PWWP3A: variants seen among roughly 807,000 people sequenced by gnomAD.
The protein encoded by PWWP3A is PWWP domain containing 3A, DNA repair factor, also known as PWWP domain-containing DNA repair factor 3A.
In PWWP3A, 53 loss-of-function variants were observed where a neutral mutation model predicts 79.0. The ratio of observed to expected loss-of-function variants is 0.67; its 90% CI spans 0.54 to 0.84. The LOEUF (loss-of-function observed/expected upper bound fraction) is 0.84, where lower values mean the gene tolerates loss of function less well. Among genes scored for constraint, PWWP3A ranks in the 40% least tolerant of loss-of-function variants. The pLI is 0.00. For missense variants in PWWP3A, 973 were observed against 948.0 expected (o/e 1.03, Z -0.35); for synonymous variants, 443 against 394.4 (o/e 1.12, Z -1.46).
chr19:1,364,234 C>T, intron 6 of PWWP3A: 1 of 610,948 alleles, frequency 1.6e-6, no homozygotes, highest in Non-Finnish European at 3.1e-6. Context: ...GCACCCCTCC[C>T]ATCCCAAGGG....
At chr19:1,367,901 T>TTCCA (rs1178149601) in intron 9 of PWWP3A, among the ~76,000 whole-genome samples, 1 of 152,208 alleles carries the variant, frequency 6.6e-6, no homozygotes, top group Non-Finnish European at 1.5e-5. Context: ...GTTGTGTCTT[T>TTCCA]TCCACTCTCA....
chr19:1,355,704 C>T (rs1600091244), intron 1 of PWWP3A, among the ~76,000 whole-genome samples: 1 of 151,768 alleles, frequency 6.6e-6, no homozygotes, highest in Non-Finnish European at 1.5e-5. Context: ...GATCCCCTCT[C>T]TTGCTGGAAA....
At chr19:1,362,220 C>T in intron 5 of PWWP3A, 30 bp from the exon 6 acceptor site, 1 of 1,574,586 alleles carries the variant, frequency 6.4e-7, no homozygotes, top group Non-Finnish European at 8.7e-7. Flanking sequence ...ATGCAATGAC[C>T]ATGAAAGTCT....
At position 1,356,401 on chromosome 19, in the gene PWWP3A, T is replaced by A. The variant is rs1191768152; in HGVS notation, c.9T>A (p.Asp3Glu). The A allele has an allele frequency of 6.2e-7, 1 of 1,614,114 alleles. No individual in the cohort carries two copies. Among genetic ancestry groups the A allele is most frequent in the African/African-American group, 1.3e-5 (1 of 74,950 alleles). ...CCACATGAGTGTAAATGATGGCGGA[T>A]GCCAAGTATGTCCTCTGCCGATGGG... The part of the protein sequence containing the change: MA[D>E]AKYVLCRWEK... Residue 3 changes from aspartate to glutamate, a missense_variant, in exon 2 of 14, where the codon GAT becomes GAA. Coordinates refer to ENST00000591337, the MANE Select transcript of PWWP3A (RefSeq NM_001369789.1).
intron 12 of PWWP3A, 99 bp downstream of exon 12, chr19:1,371,177 C>T (rs1600123922): frequency 1.3e-5 from 18 of 1,407,252 alleles, no homozygotes; most frequent in Non-Finnish European, 1.8e-5. Flanking sequence ...GCCCCTGCTC[C>T]CTGGCCGTTC....
chr19:1,360,836 G>A lies in PWWP3A; in HGVS notation c.915G>A (p.Leu305=), dbSNP rs1030857210. The A allele has an allele frequency of 6.4e-7, 1 of 1,562,132 alleles. No individual in the cohort carries two copies. The highest frequency in any genetic ancestry group is 2.0e-5 in the Admixed American group (1 of 50,680). The change falls in exon 5 of 14, where the codon CTG becomes CTA. Residue 305 remains leucine (L), a synonymous_variant. Coordinates refer to ENST00000591337, the MANE Select transcript of PWWP3A (RefSeq NM_001369789.1). The surrounding 1 kb of genome is among the most constrained non-coding windows in gnomAD (Gnocchi z 4.4). ...GECPAKKRPR[L]DGSQRPPAVQ... Reference sequence around the variant, plus strand: ...GCCCTGCGAAAAAGAGGCCGCGCCTGGATGGCAGCCAAAGGCCGCCTGCCG... The same window carrying A: ...GCCCTGCGAAAAAGAGGCCGCGCCTAGATGGCAGCCAAAGGCCGCCTGCCG...
chr19:1,371,378 C>G (rs1472174340), intron 12 of PWWP3A: 1 of 703,232 alleles, frequency 1.4e-6, no homozygotes, highest in Non-Finnish European at 2.6e-6. Context: ...CAGATGCTTC[C>G]CAGCCTCGGT....
rs767576716 is a variant in PWWP3A, at chr19:1,360,103, G to A, written c.215-33G>A. The stretch of plus-strand genomic sequence containing the variant: ...TGACCGCAGTGCCTGTGCAGTGAAC[G>A]TAACCGGCATTGTGTATGTTCGGTC... On this transcript the variant is annotated intron_variant, in intron 4 of 13. Transcript: ENST00000591337. This position sits in a 1 kb window ranked among gnomAD's most constrained non-coding sequence, Gnocchi z 4.4. The A allele has an allele frequency of 3.0e-5, 46 of 1,515,240 alleles. No homozygotes were observed. The highest frequency in any genetic ancestry group is 5.6e-5 in the African/African-American group (4 of 71,846). The allele number at this position is 1,515,240 out of a possible 1,614,324, so 93.9% of individuals were successfully genotyped here. A position where few individuals can be genotyped will look rare whatever the true frequency, so the allele number is the denominator to read the frequency against.
At chr19:1,367,040 T>A in intron 8 of PWWP3A, 120 bp from the exon 9 acceptor site, 1 of 721,588 alleles carries the variant, frequency 1.4e-6, no homozygotes, top group Non-Finnish European at 2.3e-6. Flanking sequence ...CTTCCATAAA[T>A]AAGCTGGGGC....
At position 1,369,336 on chromosome 19, in the gene PWWP3A, G is replaced by A; in HGVS notation, c.1494G>A (p.Arg498=). The A allele has an allele frequency of 1.2e-6, 2 of 1,613,652 alleles. No individual in the cohort carries two copies. The highest frequency in any genetic ancestry group is 1.7e-6 in the Non-Finnish European group (2 of 1,180,006). ...CCCTCATCACCGACTACAGGGTCCG[G>A]TTAGGTACGTGGGGTGCTGGGGAGG... ...CVSLITDYRV[R]LGCGSFAGSF... Residue 498 remains arginine (R), a synonymous_variant, in exon 10 of 14, where the codon CGG becomes CGA. Transcript: ENST00000591337. The surrounding 1 kb of genome is among the most constrained non-coding windows in gnomAD (Gnocchi z 4.0).
intron 13 of PWWP3A, 131 bp downstream of exon 13, chr19:1,373,291 T>G: frequency 1.3e-6 from 1 of 757,336 alleles, no homozygotes; most frequent in Non-Finnish European, 2.2e-6. Context: ...AGGTGCTGGG[T>G]GGTGAGCTGA....
rs548969916 is a variant in PWWP3A, at chr19:1,362,329, A to T, written c.1191A>T (p.Pro397=). Residue 397 remains proline (P), a synonymous_variant, in exon 6 of 14, where the codon CCA becomes CCT. Transcript: ENST00000591337. ...AGGAAGACGAGGAAGACGAGGAGCCACCAAGAGTCCTTTTATACCACGGTA... is the reference window on the plus strand; with the variant it reads ...AGGAAGACGAGGAAGACGAGGAGCCTCCAAGAGTCCTTTTATACCACGGTA... ...ILEEDEEDEE[P]PRVLLYHEPR... 1 of 1,614,072 alleles carries T rather than the reference A, an allele frequency of 6.2e-7. No individual in the cohort carries two copies. Among genetic ancestry groups the T allele is most frequent in the East Asian group, 2.2e-5 (1 of 44,876 alleles).
In PWWP3A at chr19:1,355,160, C is replaced by T. The variant is rs1233364664; in HGVS notation, c.-70+25C>T. On this transcript the variant is annotated intron_variant, in intron 1 of 13. Transcript: ENST00000591337. ...GGTGAGCCCGCGGGATGCGTCCCCT[C>T]GGTTCCGCCGGGCGGGGCTGAGGCG... The T allele has an allele frequency of 5.3e-5, 8 of 151,332 alleles. No individual in the cohort carries two copies. In the South Asian group the frequency reaches 1.1e-3, roughly 22 times the overall value. 9.4% of individuals were successfully genotyped at this position (151,332 alleles called of 1,614,324 possible).
Position 1,356,382 on chromosome 19 carries a change from G to A in PWWP3A, c.-11G>A, listed in dbSNP as rs1031643999. The A allele has an allele frequency of 1.6e-5, 26 of 1,614,018 alleles. No homozygotes were observed. Among genetic ancestry groups the A allele is most frequent in the African/African-American group, 1.1e-4 (8 of 74,930 alleles). ...GCCAAATCATTGCCACTTGCCACAT[G>A]AGTGTAAATGATGGCGGATGCCAAG... On this transcript the variant is annotated 5_prime_UTR_variant, in exon 2 of 14. The change abolishes an upstream ATG in the 5' untranslated region. Coordinates refer to ENST00000591337, the MANE Select transcript of PWWP3A (RefSeq NM_001369789.1).
At chr19:1,365,235 A>G (rs1381212976) in intron 7 of PWWP3A, among the ~76,000 whole-genome samples, 1 of 152,268 alleles carries the variant, frequency 6.6e-6, no homozygotes, top group Admixed American at 6.5e-5. Flanking sequence ...TTGCATGTGT[A>G]CAAACAGGAA....
At chr19:1,367,875 A>G (rs533209596) in intron 9 of PWWP3A, among the ~76,000 whole-genome samples, 38 of 152,304 alleles carry the variant, frequency 2.5e-4, no homozygotes, top group Non-Finnish European at 5.0e-4. Flanking sequence ...ACTCCTCTGG[A>G]AAAAAAGAAA....
Position 1,364,589 on chromosome 19 carries a change from G to C in PWWP3A, c.1284+10G>C. The C allele has an allele frequency of 1.9e-6, 3 of 1,583,312 alleles. No homozygotes were observed. The highest frequency in any genetic ancestry group is 2.6e-6 in the Non-Finnish European group (3 of 1,165,512). On this transcript the variant is annotated intron_variant, in intron 7 of 13. Coordinates refer to ENST00000591337, the MANE Select transcript of PWWP3A (RefSeq NM_001369789.1). The stretch of plus-strand genomic sequence containing the variant: ...CTTCTGGCCAGCAGTGGTAAGAACA[G>C]CTTCCTCCGTCTTCTCAGATGTAGT...
intron 13 of PWWP3A, among the ~76,000 whole-genome samples, chr19:1,376,295 G>GTTTTTTTTTTGTTTTTTTTTTT (rs2082394002): frequency 1.5e-5 from 1 of 67,048 alleles, no homozygotes; most frequent in Non-Finnish European, 3.0e-5. Flanking sequence ...CCGGCTGTTT[G>GTTTTTTTTTTGTTTTTTTTTTT]TTTTTTTTTT....
At chr19:1,361,723 CAA>C (rs1157542217) in intron 5 of PWWP3A, among the ~76,000 whole-genome samples, 1 of 151,928 alleles carries the variant, frequency 6.6e-6, no homozygotes, top group Non-Finnish European at 1.5e-5. Context: ...GCTCTGAAGA[CAA>C]AGTGACCGCA....
Sources: allele counts gnomAD v4.1 joint callset (sites outside exome capture counted in the v4.1 genomes callset), GRCh38; gene constraint gnomAD v4.1.1; non-coding constraint Gnocchi (gnomAD v3.1); transcripts MANE v1.5; gene names NCBI Gene and HGNC (gene_info 2026-07-23, HGNC 2026-07-21).